TENM4: variants seen among roughly 807,000 people sequenced by gnomAD.
TENM4 encodes the protein teneurin-4.
A neutral mutation model predicts 243.3 loss-of-function variants in TENM4; 82 were observed. The observed-to-expected ratio is 0.34, with a 90% CI of 0.28 to 0.40. TENM4 has a LOEUF of 0.40. Among genes scored for constraint, TENM4 ranks in the 10% least tolerant of loss-of-function variants. The pLI, the probability that TENM4 is intolerant of heterozygous loss-of-function variation, is 1.00. For missense variants in TENM4, 3,138 were observed against 3,673.3 expected, an observed-to-expected ratio of 0.85 and a Z score of 3.77; for synonymous variants, 1,412 against 1,456.3, an observed-to-expected ratio of 0.97 and a Z score of 0.69.
At chr11:79,418,838 T>C (rs1858873241) in intron 1 of TENM4, among the ~76,000 whole-genome samples, 2 of 152,232 alleles carry the variant, frequency 1.3e-5, no homozygotes, top group Admixed American at 6.5e-5. Flanking sequence ...AGGGATTGGC[T>C]TTCCTCTGAC....
intron 32 of TENM4, among the ~76,000 whole-genome samples, chr11:78,662,587 A>C (rs1310591246): frequency 1.3e-5 from 2 of 152,152 alleles, no homozygotes; most frequent in Admixed American, 1.3e-4. Flanking sequence ...TAATTATAAA[A>C]TATTAGGTGT....
chr11:79,148,692 T>C lies in TENM4; in HGVS notation c.-66+18A>G, dbSNP rs1862440172. 2.3e-6 allele frequency: 2 copies of C among 861,360 alleles called. No homozygotes were observed. Among genetic ancestry groups the C allele is most frequent in the Non-Finnish European group, 2.8e-6 (2 of 717,124 alleles). 53.4% of individuals were successfully genotyped at this position (861,360 alleles called of 1,614,324 possible). ...TAAATCATGAATACTCTCTGAAGTG[T>C]AAAAAAAATCAACTCACTTTTCTTT... On this transcript the variant is annotated intron_variant, in intron 4 of 33. Coordinates refer to ENST00000278550, the MANE Select transcript of TENM4 (RefSeq NM_001098816.3).
Position 78,718,583 on chromosome 11 carries a change from G to A in TENM4, c.3821+1787C>T, listed in dbSNP as rs530823564. On this transcript the variant is annotated intron_variant, in intron 25 of 33. Coordinates refer to ENST00000278550, the MANE Select transcript of TENM4 (RefSeq NM_001098816.3). Reference sequence around the variant, plus strand: ...GGTCATGGCTGTGTCCTTTGCAGCCGCCACCACTAACTGAATGTTTCAACA... The same window carrying A: ...GGTCATGGCTGTGTCCTTTGCAGCCACCACCACTAACTGAATGTTTCAACA... Among the ~76,000 whole-genome samples, 13 of 152,248 alleles carry A rather than the reference G, an allele frequency of 8.5e-5. No individual in the cohort carries two copies. The South Asian group carries it at 2.5e-3, about 29-fold the overall frequency.
chr11:79,010,568 T>C (rs913616825), intron 6 of TENM4, among the ~76,000 whole-genome samples: 3 of 152,100 alleles, frequency 2.0e-5, no homozygotes, highest in Admixed American at 1.3e-4. Context: ...CTCACAATTA[T>C]GGTGGAAAGC....
chr11:78,967,636 C>T (rs892823426), intron 6 of TENM4, among the ~76,000 whole-genome samples: 12 of 152,260 alleles, frequency 7.9e-5, no homozygotes, highest in African/African-American at 2.9e-4. Flanking sequence ...TGTATGTTCA[C>T]GTGGGCAAAT....
chr11:78,800,654 T>C (rs1240327159), intron 15 of TENM4, among the ~76,000 whole-genome samples: 1 of 152,126 alleles, frequency 6.6e-6, no homozygotes, highest in Non-Finnish European at 1.5e-5. Flanking sequence ...AAGTCATTCA[T>C]GCAATAATCA....
At chr11:78,953,928 T>C (rs1231580421) in intron 6 of TENM4, among the ~76,000 whole-genome samples, 1 of 152,216 alleles carries the variant, frequency 6.6e-6, no homozygotes. Flanking sequence ...CCTGTAAACC[T>C]CCACAACCTA....
At chr11:78,719,763 G>A (rs2135832225) in intron 25 of TENM4, among the ~76,000 whole-genome samples, 1 of 152,330 alleles carries the variant, frequency 6.6e-6, no homozygotes, top group Non-Finnish European at 1.5e-5. Flanking sequence ...TGGTGTGCCT[G>A]ACTAGACCCA....
At chr11:78,695,578 G>T (rs1858939878) in intron 28 of TENM4, among the ~76,000 whole-genome samples, 1 of 152,076 alleles carries the variant, frequency 6.6e-6, no homozygotes, top group Non-Finnish European at 1.5e-5. Flanking sequence ...GGCCAGGCTG[G>T]TCTCGAACTC....
At chr11:78,740,938 C>T (rs974441632) in intron 19 of TENM4, among the ~76,000 whole-genome samples, 7 of 152,214 alleles carry the variant, frequency 4.6e-5, no homozygotes, top group Non-Finnish European at 7.3e-5. Flanking sequence ...CCTGGGCTCC[C>T]GTGGATTGCT....
At chr11:78,996,911 G>C (rs577408196) in intron 6 of TENM4, among the ~76,000 whole-genome samples, 1 of 152,160 alleles carries the variant, frequency 6.6e-6, no homozygotes, top group Non-Finnish European at 1.5e-5. Context: ...TAGTCAGAGA[G>C]AATATTAACA....
At chr11:79,155,664 T>G in intron 3 of TENM4, among the ~76,000 whole-genome samples, 1 of 133,418 alleles carries the variant, frequency 7.5e-6, no homozygotes, top group Non-Finnish European at 1.6e-5. Flanking sequence ...CCTTCCTTTT[T>G]ACCTTCCTTC....
chr11:78,911,868 A>G (rs1481638561), intron 6 of TENM4, among the ~76,000 whole-genome samples: 2 of 152,230 alleles, frequency 1.3e-5, no homozygotes, highest in Non-Finnish European at 2.9e-5. Context: ...ATAATGAACA[A>G]GACACTTCTT....
intron 1 of TENM4, among the ~76,000 whole-genome samples, chr11:79,422,746 C>A (rs1465949775): frequency 6.6e-6 from 1 of 152,108 alleles, no homozygotes; most frequent in Admixed American, 6.5e-5. Flanking sequence ...CCTGGTAGAA[C>A]AGAGGGAGGG....
chr11:79,364,239 G>T (rs1203485829), intron 1 of TENM4, among the ~76,000 whole-genome samples: 2 of 152,200 alleles, frequency 1.3e-5, no homozygotes, highest in Non-Finnish European at 2.9e-5. Context: ...GCCTGTACCT[G>T]ATGGGCACTG....
At chr11:78,904,691 CTTTA>C (rs763556581) in intron 6 of TENM4, among the ~76,000 whole-genome samples, 9 of 152,198 alleles carry the variant, frequency 5.9e-5, no homozygotes, top group Non-Finnish European at 1.0e-4. Context: ...CATTGAGATA[CTTTA>C]TTTATTCCCT....
chr11:78,917,560 C>T (rs1856345677), intron 6 of TENM4, among the ~76,000 whole-genome samples: 1 of 152,002 alleles, frequency 6.6e-6, no homozygotes, highest in Admixed American at 6.6e-5. Flanking sequence ...GTCCATAAGC[C>T]AAGTCATACT....
chr11:78,870,890 G>A (rs1358054335), intron 9 of TENM4, among the ~76,000 whole-genome samples: 2 of 152,160 alleles, frequency 1.3e-5, no homozygotes, highest in Non-Finnish European at 2.9e-5. Flanking sequence ...AACCTAATTT[G>A]TACAGAATAA....
intron 1 of TENM4, among the ~76,000 whole-genome samples, chr11:79,328,268 A>C (rs894945080): frequency 3.9e-5 from 6 of 152,328 alleles, no homozygotes; most frequent in Non-Finnish European, 7.3e-5. Context: ...AGAAAGATCA[A>C]GTGACTTACC....
Sources: gnomAD v4.1 joint callset for allele counts (sites outside exome capture counted in the v4.1 genomes callset) on GRCh38, gnomAD v4.1.1 for gene constraint, MANE v1.5 for transcripts, NCBI Gene and HGNC (gene_info 2026-07-23, HGNC 2026-07-21) for gene names.